Variants in DCC observed in about 807,000 individuals in gnomAD.
The protein encoded by DCC is DCC netrin 1 receptor.
Under a neutral mutation model 172.5 loss-of-function variants are expected in DCC, and 58 were observed. The ratio of observed to expected loss-of-function variants is 0.34; its 90% confidence interval spans 0.27 to 0.42. DCC has a LOEUF of 0.42. Among genes scored for constraint, DCC ranks in the 10% least tolerant of loss-of-function variants. DCC has a pLI of 1.00. For missense variants in DCC, 1,740 were observed against 1,791.0 expected (o/e 0.97, Z 0.51); for synonymous variants, 709 against 644.5 (o/e 1.10, Z -1.52).
intron 15 of DCC, among the ~76,000 whole-genome samples, chr18:53,375,410 C>T (rs905353269): frequency 2.0e-5 from 3 of 152,128 alleles, no homozygotes; most frequent in Non-Finnish European, 4.4e-5. Flanking sequence ...GAATTACAAA[C>T]ATCTATAAAA....
chr18:53,273,881 A>C (rs757160850), intron 12 of DCC, among the ~76,000 whole-genome samples: 2 of 152,090 alleles, frequency 1.3e-5, no homozygotes, highest in Admixed American at 6.6e-5. Context: ...AGGCACCAGC[A>C]CATGTACTCC....
At chr18:53,063,900 A>T (rs767969261) in intron 6 of DCC, among the ~76,000 whole-genome samples, 3 of 152,154 alleles carry the variant, frequency 2.0e-5, no homozygotes. Flanking sequence ...TAATACAGAC[A>T]GCTTTTTTTT....
chr18:52,925,307 T>C lies in DCC; in HGVS notation c.922T>C (p.Tyr308His). Reference sequence around the variant, plus strand: ...TGTGACAGATGATGACAGTGGAATGTATACCTGTGTTGTCACATATAAAAA... The same window carrying C: ...TGTGACAGATGATGACAGTGGAATGCATACCTGTGTTGTCACATATAAAAA... ...SNVTDDDSGM[Y>H]TCVVTYKNEN... Residue 308 changes from tyrosine (Y) to histidine (H), a missense_variant, in exon 5 of 29, where the codon TAT (tyrosine) becomes CAT (histidine). By Grantham distance (83) the Tyr-to-His change is moderately conservative (BLOSUM62 2). Coordinates refer to ENST00000442544, the MANE Select transcript of DCC (RefSeq NM_005215.4). The C allele has an allele frequency of 1.2e-6, 2 of 1,612,488 alleles. No individual in the cohort carries two copies. Among genetic ancestry groups the C allele is most frequent in the Non-Finnish European group, 1.7e-6 (2 of 1,178,704 alleles).
chr18:52,417,209 C>T (rs1406081511), intron 1 of DCC, among the ~76,000 whole-genome samples: 1 of 152,190 alleles, frequency 6.6e-6, no homozygotes, highest in Non-Finnish European at 1.5e-5. Flanking sequence ...CCCCCACTCT[C>T]TTCTGGCTTG....
intron 5 of DCC, among the ~76,000 whole-genome samples, chr18:52,952,457 T>C (rs887721551): frequency 8.5e-5 from 13 of 152,182 alleles, no homozygotes; most frequent in African/African-American, 3.1e-4. Context: ...TATTTTCTTA[T>C]CTACTTATAT....
chr18:53,180,246 T>C (rs1225849850), intron 9 of DCC, among the ~76,000 whole-genome samples: 1 of 152,144 alleles, frequency 6.6e-6, no homozygotes, highest in Non-Finnish European at 1.5e-5. Context: ...AGAGACAAGA[T>C]GATAACAAAT....
intron 21 of DCC, among the ~76,000 whole-genome samples, chr18:53,421,547 G>A (rs1008542886): frequency 6.6e-6 from 1 of 152,180 alleles, no homozygotes; most frequent in East Asian, 1.9e-4. Flanking sequence ...CAAGGAGGAA[G>A]AATTACTCTC....
rs755044977 is a variant in DCC at position 53,467,974 on chromosome 18, C to T, written c.3700C>T (p.Leu1234Phe). ...LAARRAPRAK[L>F]MIPMDAQSNN... The stretch of plus-strand genomic sequence containing the variant: ...TGCACGCCGAGCCCCCCGGGCCAAG[C>T]TCATGATTCCCATGGATGCCCAGTC... Residue 1234 changes from leucine (L) to phenylalanine (F), a missense_variant, in exon 25 of 29, where the codon CTC becomes TTC. Physicochemically the swap from Leu to Phe is conservative, Grantham distance 22. Coordinates refer to ENST00000442544, the MANE Select transcript of DCC (RefSeq NM_005215.4). 6.2e-7 allele frequency: 1 copy of T among 1,609,336 alleles called. No individual in the cohort carries two copies. The highest frequency in any genetic ancestry group is 1.7e-5 in the Admixed American group (1 of 60,004).
chr18:53,081,372 T>C (rs1238660578), intron 7 of DCC, among the ~76,000 whole-genome samples: 1 of 152,108 alleles, frequency 6.6e-6, no homozygotes, highest in African/African-American at 2.4e-5. Context: ...AAAAAATCTA[T>C]CTTATGGTCA....
At chr18:52,872,405 G>A (rs963406760) in intron 2 of DCC, among the ~76,000 whole-genome samples, 21 of 146,436 alleles carry the variant, frequency 1.4e-4, no homozygotes, top group African/African-American at 4.7e-4. Context: ...ACAAGGGAAA[G>A]CCTCAGCGAA....
intron 2 of DCC, among the ~76,000 whole-genome samples, chr18:52,881,618 A>G (rs1243029904): frequency 6.6e-6 from 1 of 152,012 alleles, no homozygotes; most frequent in Non-Finnish European, 1.5e-5. Flanking sequence ...CTGTAAGTAT[A>G]TGGATTTATT....
intron 7 of DCC, among the ~76,000 whole-genome samples, chr18:53,100,640 G>A (rs1218794043): frequency 6.6e-6 from 1 of 151,792 alleles, no homozygotes; most frequent in Admixed American, 6.6e-5. Context: ...AAAGGAGAAA[G>A]GGAAGAAAGA....
At chr18:52,908,209 A>G (rs1000722082) in intron 3 of DCC, among the ~76,000 whole-genome samples, 1 of 152,188 alleles carries the variant, frequency 6.6e-6, no homozygotes, top group Admixed American at 6.5e-5. Context: ...CAAACTGGCA[A>G]TTCAATTGAA....
chr18:53,054,783 G>T (rs1340672699), intron 5 of DCC, among the ~76,000 whole-genome samples: 1 of 152,204 alleles, frequency 6.6e-6, no homozygotes, highest in Non-Finnish European at 1.5e-5. Context: ...ACATACAGCT[G>T]AATTTTTAGA....
chr18:52,701,989 A>T (rs1288771720), intron 1 of DCC, among the ~76,000 whole-genome samples: 4 of 152,106 alleles, frequency 2.6e-5, no homozygotes, highest in African/African-American at 9.7e-5. Flanking sequence ...TAATTGTCCT[A>T]TGCATCTCTT....
At chr18:53,262,854 C>A (rs1375268395) in intron 12 of DCC, among the ~76,000 whole-genome samples, 1 of 152,130 alleles carries the variant, frequency 6.6e-6, no homozygotes, top group Admixed American at 6.5e-5. Context: ...CCATTTATGG[C>A]TAGAATTAAT....
chr18:52,342,990 G>A (rs1411592255), intron 1 of DCC, among the ~76,000 whole-genome samples: 8 of 152,116 alleles, frequency 5.3e-5, no homozygotes, highest in African/African-American at 1.9e-4. Context: ...TGTAAGGAAG[G>A]GATACATACA....
At chr18:52,748,470 G>A (rs181283486) in intron 1 of DCC, among the ~76,000 whole-genome samples, 1 of 152,362 alleles carries the variant, frequency 6.6e-6, no homozygotes, top group South Asian at 2.1e-4. Flanking sequence ...ATGCAGCACA[G>A]TGAACGGGGC....
chr18:53,298,527 C>CAAAA (rs61387067), intron 12 of DCC, among the ~76,000 whole-genome samples: 16 of 33,090 alleles, frequency 4.8e-4, no homozygotes, highest in African/African-American at 8.6e-4. Flanking sequence ...GACCCTGACT[C>CAAAA]AAAAAAAAAA....
Sources: gnomAD v4.1 joint callset for allele counts (sites outside exome capture counted in the v4.1 genomes callset) on GRCh38, gnomAD v4.1.1 for gene constraint, MANE v1.5 for transcripts, NCBI Gene and HGNC (gene_info 2026-07-23, HGNC 2026-07-21) for gene names.